The following ABCA1 variants were observed in gnomAD, a reference collection of about 807,000 sequenced individuals.
The protein encoded by ABCA1 is phospholipid-transporting ATPase ABCA1.
In ABCA1, 133 loss-of-function variants were observed where a neutral mutation model predicts 262.5. That is an observed-to-expected ratio of 0.51 (90% confidence interval 0.44 to 0.59). The LOEUF is 0.59. Among genes scored for constraint, ABCA1 ranks in the 20% least tolerant of loss-of-function variants. The pLI, the probability that ABCA1 is intolerant of heterozygous loss-of-function variation, is 0.00. For synonymous variants in ABCA1, 1,022 were observed against 1,043.5 expected (o/e 0.98, Z 0.40); for missense variants, 2,452 against 2,777.5 (o/e 0.88, Z 2.63).
intron 14 of ABCA1, 138 bp downstream of exon 14, chr9:104,830,787 G>T: frequency 1.1e-6 from 1 of 928,240 alleles, no homozygotes; most frequent in Non-Finnish European, 1.8e-6. Context: ...TCTGTCATGT[G>T]GCTGCAACTG....
Position 104,889,203 on chromosome 9 carries a change from G to A in ABCA1, c.67-8C>T. ...TTCCAGCAGCAGCTGACACTGAGTG[G>A]GAAATAAGATAGAACACTGTAAATT... On this transcript the variant is annotated splice_region_variant and splice_polypyrimidine_tract_variant and intron_variant, in intron 2 of 49. Coordinates refer to ENST00000374736, the MANE Select transcript of ABCA1 (RefSeq NM_005502.4). 6.2e-7 allele frequency: 1 copy of A among 1,613,498 alleles called. No individual in the cohort carries two copies. The highest frequency in any genetic ancestry group is 8.5e-7 in the Non-Finnish European group (1 of 1,179,528).
intron 7 of ABCA1, among the ~76,000 whole-genome samples, chr9:104,851,757 T>A (rs547736045): frequency 4.9e-4 from 75 of 152,338 alleles, no homozygotes; most frequent in Non-Finnish European, 8.5e-4. Flanking sequence ...ACCTTGCACA[T>A]GACTACCTCC....
chr9:104,923,885 G>C (rs1171100238), intron 1 of ABCA1, among the ~76,000 whole-genome samples: 4 of 152,114 alleles, frequency 2.6e-5, no homozygotes, highest in Non-Finnish European at 5.9e-5. Flanking sequence ...ACAAAAAATT[G>C]TAAAAATTTA....
intron 5 of ABCA1, among the ~76,000 whole-genome samples, chr9:104,876,746 CTAA>C (rs1399636405): frequency 2.0e-5 from 3 of 152,298 alleles, no homozygotes; most frequent in East Asian, 3.9e-4. Flanking sequence ...CTCAGCCCAC[CTAA>C]GAATGCCAGA....
At chr9:104,784,964 G>A (rs1023333934) in intron 49 of ABCA1, among the ~76,000 whole-genome samples, 2 of 151,966 alleles carry the variant, frequency 1.3e-5, no homozygotes, top group East Asian at 3.9e-4. Context: ...TTTCTATATC[G>A]CCCCCCACCC....
chr9:104,884,331 A>G (rs1838962643), intron 4 of ABCA1, 96 bp downstream of exon 4: 8 of 1,504,220 alleles, frequency 5.3e-6, no homozygotes, highest in Non-Finnish European at 6.5e-6. Context: ...AAACAACTTC[A>G]CTTAAATCCA....
At chr9:104,794,104 C>T (rs1271880669) in intron 40 of ABCA1, among the ~76,000 whole-genome samples, 2 of 152,218 alleles carry the variant, frequency 1.3e-5, no homozygotes, top group Admixed American at 1.3e-4. Context: ...CCAACCCAGA[C>T]AGTGGCATGA....
intron 2 of ABCA1, among the ~76,000 whole-genome samples, chr9:104,890,973 A>C (rs145778252): frequency 1.1e-3 from 170 of 152,276 alleles, no homozygotes; most frequent in African/African-American, 3.8e-3. Flanking sequence ...TTTTCTCTAC[A>C]ATATTGAGAC....
At chr9:104,918,702 C>A (rs2118524847) in intron 1 of ABCA1, among the ~76,000 whole-genome samples, 1 of 152,250 alleles carries the variant, frequency 6.6e-6, no homozygotes, top group South Asian at 2.1e-4. Context: ...TAAACTCTGC[C>A]ACCAAACATG....
Position 104,784,336 on chromosome 9 carries a change from T to C in ABCA1, c.6765A>G (p.Lys2255=). The C allele has an allele frequency of 1.2e-6, 2 of 1,614,140 alleles. No individual in the cohort carries two copies. Among genetic ancestry groups the C allele is most frequent in the Non-Finnish European group, 1.7e-6 (2 of 1,179,986 alleles). ...AVLTSFLQDE[K]VKESYV ...TTCTTCATACATAGCTTTCTTTCAC[T>C]TTCTCATCCTGTAGAAAAGATGTGA... Residue 2255 remains lysine (K), a synonymous_variant, in exon 50 of 50, where the codon AAA becomes AAG. Coordinates refer to ENST00000374736, the MANE Select transcript of ABCA1 (RefSeq NM_005502.4).
Position 104,791,458 on chromosome 9 carries a change from T to C in ABCA1, c.5821-430A>G, listed in dbSNP as rs193279852. On this transcript the variant is annotated intron_variant, in intron 43 of 49. Transcript: ENST00000374736. ...GCTTTTTCTGTTTTTGTTGTTGACATGAGTCTCACTCTGTCACCAGGCTGG... is the reference window on the plus strand; with the variant it reads ...GCTTTTTCTGTTTTTGTTGTTGACACGAGTCTCACTCTGTCACCAGGCTGG... Among the ~76,000 whole-genome samples, 300 of 152,286 alleles carry C rather than the reference T, an allele frequency of 2.0e-3. 1 individual carries two copies. The highest frequency in any genetic ancestry group is 6.6e-3 in the African/African-American group (274 of 41,550).
intron 3 of ABCA1, among the ~76,000 whole-genome samples, chr9:104,886,725 G>T (rs748019807): frequency 6.6e-6 from 1 of 152,298 alleles, no homozygotes; most frequent in South Asian, 2.1e-4. Flanking sequence ...CATCCTATTT[G>T]CAAACAAAAG....
intron 18 of ABCA1, among the ~76,000 whole-genome samples, chr9:104,823,056 T>G (rs1407422432): frequency 6.7e-6 from 1 of 148,560 alleles, no homozygotes; most frequent in African/African-American, 2.5e-5. Context: ...AAGGGAATAC[T>G]GCTGAGTGAA....
intron 2 of ABCA1, 82 bp from the exon 3 acceptor site, chr9:104,889,277 G>A (rs1482589487): frequency 6.5e-7 from 1 of 1,546,900 alleles, no homozygotes; most frequent in Non-Finnish European, 8.8e-7. Flanking sequence ...GAAATCCACA[G>A]ACAACTTCAT....
chr9:104,869,644 C>T (rs1837425141), intron 5 of ABCA1, among the ~76,000 whole-genome samples: 1 of 152,160 alleles, frequency 6.6e-6, no homozygotes, highest in African/African-American at 2.4e-5. Flanking sequence ...GATGCAGCTG[C>T]TCCTTCAGGT....
chr9:104,803,714 T>C (rs1298654360), intron 32 of ABCA1, among the ~76,000 whole-genome samples: 1 of 151,992 alleles, frequency 6.6e-6, no homozygotes, highest in Non-Finnish European at 1.5e-5. Flanking sequence ...TTCAAGCAAT[T>C]CTCCTGCCTC....
At chr9:104,901,412 T>C (rs1430258630) in intron 2 of ABCA1, among the ~76,000 whole-genome samples, 1 of 152,062 alleles carries the variant, frequency 6.6e-6, no homozygotes, top group Non-Finnish European at 1.5e-5. Context: ...TAGCCCCCCT[T>C]TCATTGCCAA....
chr9:104,851,642 G>C (rs1835389826), intron 7 of ABCA1, among the ~76,000 whole-genome samples: 1 of 152,124 alleles, frequency 6.6e-6, no homozygotes, highest in African/African-American at 2.4e-5. Context: ...CCCCATCAGG[G>C]ACTGTATCAC....
chr9:104,817,427 G>A lies in ABCA1; in HGVS notation c.3463-23C>T. Reference sequence around the variant, plus strand: ...CTCCTGATGGCAAAGAAGGAGGTGAGAACGGGTCAGGGACGGAGCAAGGCA... The same window carrying A: ...CTCCTGATGGCAAAGAAGGAGGTGAAAACGGGTCAGGGACGGAGCAAGGCA... On this transcript the variant is annotated intron_variant, in intron 23 of 49. Transcript: ENST00000374736. This position sits in a 1 kb window ranked among gnomAD's most constrained non-coding sequence, Gnocchi z 4.7. 6.2e-7 allele frequency: 1 copy of A among 1,614,008 alleles called. No individual in the cohort carries two copies. Among genetic ancestry groups the A allele is most frequent in the Non-Finnish European group, 8.5e-7 (1 of 1,179,876 alleles).
Sources: gnomAD v4.1 joint callset for allele counts (sites outside exome capture counted in the v4.1 genomes callset) on GRCh38, gnomAD v4.1.1 for gene constraint, Gnocchi (gnomAD v3.1) non-coding constraint, MANE v1.5 for transcripts, NCBI Gene and HGNC (gene_info 2026-07-23, HGNC 2026-07-21) for gene names.